The following TRAK1 variants were observed in gnomAD, a reference collection of about 807,000 sequenced individuals.
TRAK1 encodes trafficking kinesin-binding protein 1.
TRAK1 carries 33 observed loss-of-function variants against 92.1 expected under a neutral mutation model. The ratio of observed to expected loss-of-function variants is 0.36; its 90% CI spans 0.27 to 0.48. The LOEUF (loss-of-function observed/expected upper bound fraction) is 0.48. Ranked by LOEUF, TRAK1 falls within the 20% of genes least tolerant of loss-of-function variation. The probability of loss-of-function intolerance (pLI) is 0.99; values close to 1 mark genes in which losing one functional copy is unlikely to be tolerated. For synonymous variants in TRAK1, 521 were observed against 517.3 expected (o/e 1.01, Z -0.10); for missense variants, 1,123 against 1,257.9 (o/e 0.89, Z 1.62).
intron 2 of TRAK1, among the ~76,000 whole-genome samples, chr3:42,138,306 C>T (rs1243385077): frequency 6.6e-6 from 1 of 152,166 alleles, no homozygotes; most frequent in Non-Finnish European, 1.5e-5. Flanking sequence ...AAATAATTTT[C>T]ATCTTCAGAG....
intron 2 of TRAK1, chr3:42,146,010 G>C (rs746714740): frequency 2.7e-6 from 1 of 376,188 alleles, no homozygotes; most frequent in Non-Finnish European, 5.1e-6. Flanking sequence ...AATGTTCTCT[G>C]AAGAACTCTT....
chr3:42,152,055 T>C (rs1700018393), intron 2 of TRAK1, among the ~76,000 whole-genome samples: 1 of 152,206 alleles, frequency 6.6e-6, no homozygotes, highest in African/African-American at 2.4e-5. Flanking sequence ...GACCCCTCTT[T>C]TGAAGTTGGA....
chr3:42,220,121 T>A (rs1033425012), intron 15 of TRAK1, among the ~76,000 whole-genome samples: 3 of 152,162 alleles, frequency 2.0e-5, no homozygotes, highest in Admixed American at 6.5e-5. Flanking sequence ...AGAGTTCTTT[T>A]ATTTATGGAT....
chr3:42,038,803 G>GTTTTTT (rs35147167), intron 1 of TRAK1, among the ~76,000 whole-genome samples: 12 of 96,758 alleles, frequency 1.2e-4, no homozygotes, highest in South Asian at 3.6e-4. Context: ...AAAAAAAAAA[G>GTTTTTT]TTTTTTTTTT....
intron 1 of TRAK1, among the ~76,000 whole-genome samples, chr3:42,070,662 C>T (rs1703895897): frequency 6.6e-6 from 1 of 152,150 alleles, no homozygotes; most frequent in East Asian, 1.9e-4. Context: ...CTCCTGGGCT[C>T]AAGCAATCCT....
chr3:42,074,509 G>A (rs139979673), intron 1 of TRAK1, among the ~76,000 whole-genome samples: 2 of 152,314 alleles, frequency 1.3e-5, no homozygotes, highest in African/African-American at 4.8e-5. Context: ...GGCCACAGAT[G>A]AGAGACAAGG....
intron 1 of TRAK1, among the ~76,000 whole-genome samples, chr3:42,041,435 A>G (rs1348102731): frequency 6.6e-6 from 1 of 152,192 alleles, no homozygotes; most frequent in African/African-American, 2.4e-5. Context: ...GTGTATAAAA[A>G]TACGACTGAT....
At chr3:42,124,984 A>G (rs1710375660) in intron 1 of TRAK1, among the ~76,000 whole-genome samples, 1 of 152,230 alleles carries the variant, frequency 6.6e-6, no homozygotes, top group Non-Finnish European at 1.5e-5. Context: ...GAATGAATAA[A>G]TTAAATGAAG....
rs1576976609 is a variant in TRAK1 at position 42,200,931 on chromosome 3, A to G, written c.1304A>G (p.Asn435Ser). The stretch of plus-strand genomic sequence containing the variant: ...GGCTCCAACCAGTCCTCGGCCATGA[A>G]CTCCCTCCTGTCCAGCTGCGTCAGC... ...IPGSNQSSAM[N>S]SLLSSCVSTP... The change falls in exon 12 of 16, where the codon AAC (asparagine) becomes AGC (serine). Residue 435 changes from asparagine (N) to serine (S), a missense_variant. Physicochemically the swap from Asn to Ser is conservative, Grantham distance 46 (BLOSUM62 1). Around this residue, in one of 3 missense-constraint regions of TRAK1, gnomAD observed 686 missense variants for 747.6 expected, o/e 0.92. Coordinates refer to ENST00000327628, the MANE Select transcript of TRAK1 (RefSeq NM_001042646.3). 1 of 1,613,288 alleles carries G rather than the reference A, an allele frequency of 6.2e-7. No homozygotes were observed. Among genetic ancestry groups the G allele is most frequent in the African/African-American group, 1.3e-5 (1 of 74,582 alleles).
At chr3:42,137,522 T>C (rs1698101831) in intron 2 of TRAK1, among the ~76,000 whole-genome samples, 1 of 152,246 alleles carries the variant, frequency 6.6e-6, no homozygotes, top group African/African-American at 2.4e-5. Context: ...GACTAAAGTT[T>C]ATGTGAATAT....
At chr3:42,150,260 A>C (rs922717890) in intron 2 of TRAK1, among the ~76,000 whole-genome samples, 1 of 151,996 alleles carries the variant, frequency 6.6e-6, no homozygotes, top group Non-Finnish European at 1.5e-5. Context: ...TCCAAGGGAG[A>C]CTGGGTGGAG....
chr3:42,113,603 C>A lies in TRAK1; in HGVS notation c.92-11817C>A, dbSNP rs907946606. Among the ~76,000 whole-genome samples, 9 of 152,004 alleles carry A rather than the reference C, an allele frequency of 5.9e-5. No individual in the cohort carries two copies. The South Asian group carries it at 1.7e-3, about 28-fold the overall frequency. ...TGATTTTTGTATTTTTTAGTAGAGA[C>A]GGGGTTTCACTATGTTGGCTAGGCT... is the stretch of plus-strand genomic sequence containing the variant. On this transcript the variant is annotated intron_variant, in intron 1 of 15. Coordinates refer to ENST00000327628, the MANE Select transcript of TRAK1 (RefSeq NM_001042646.3).
chr3:42,143,562 T>C (rs1209342277), intron 2 of TRAK1, among the ~76,000 whole-genome samples: 4 of 152,146 alleles, frequency 2.6e-5, no homozygotes, highest in Non-Finnish European at 5.9e-5. Flanking sequence ...AAATGCCAGG[T>C]ATACAGTCAG....
In TRAK1 at chr3:42,072,569, T is replaced by C. The variant is rs76695633; in HGVS notation, c.-518-14535T>C. Among the ~76,000 whole-genome samples the C allele has an allele frequency of 3.2e-3, 470 of 146,776 alleles. 6 individuals carry two copies. Among genetic ancestry groups the C allele is most frequent in the Middle Eastern group, 3.5e-3 (1 of 286 alleles). ...AGTGTGCAGCTTTTTTTTTTTTCTT[T>C]CTCTTTTTCTTCCTCATTTTGGGAG... On this transcript the variant is annotated intron_variant, in intron 1 of 16. Transcript: ENST00000487159.
At chr3:42,150,577 G>A (rs535478614) in intron 2 of TRAK1, among the ~76,000 whole-genome samples, 2 of 152,194 alleles carry the variant, frequency 1.3e-5, no homozygotes, top group East Asian at 1.9e-4. Flanking sequence ...TAATTGAGTC[G>A]GGAGTTTCAG....
intron 1 of TRAK1, among the ~76,000 whole-genome samples, chr3:42,070,245 A>AATT (rs1177186422): frequency 6.9e-6 from 1 of 145,306 alleles, no homozygotes; most frequent in Non-Finnish European, 1.5e-5. Context: ...TATGAATAAT[A>AATT]ATAATTATTA....
intron 1 of TRAK1, among the ~76,000 whole-genome samples, chr3:42,081,152 T>C (rs563397471): frequency 1.6e-4 from 25 of 152,282 alleles, no homozygotes; most frequent in African/African-American, 5.5e-4. Context: ...GCTAGGATTA[T>C]GGTGTGAGCC....
intron 1 of TRAK1, among the ~76,000 whole-genome samples, chr3:42,038,813 T>G (rs1304711965): frequency 1.4e-5 from 2 of 147,222 alleles, no homozygotes; most frequent in East Asian, 3.9e-4. Flanking sequence ...GTTTTTTTTT[T>G]TTTTTTTTTT....
chr3:42,215,506 G>A (rs1709582376), intron 14 of TRAK1, among the ~76,000 whole-genome samples: 3 of 46,030 alleles, frequency 6.5e-5, no homozygotes, highest in Admixed American at 4.8e-4. Context: ...GTTGGGGTGT[G>A]TGTGTGTGTG....
Sources: gnomAD v4.1 joint callset for allele counts (sites outside exome capture counted in the v4.1 genomes callset) on GRCh38, gnomAD v4.1.1 for gene constraint, gnomAD v4.1.1 regional missense constraint, MANE v1.5 for transcripts, NCBI Gene and HGNC (gene_info 2026-07-23, HGNC 2026-07-21) for gene names.